ALDH3A2: variants seen among roughly 807,000 people sequenced by gnomAD.
ALDH3A2 encodes aldehyde dehydrogenase family 3 member A2.
A neutral mutation model predicts 51.3 loss-of-function variants in ALDH3A2; 36 were observed. The observed-to-expected ratio is 0.70, with a 90% CI of 0.54 to 0.93. The LOEUF (loss-of-function observed/expected upper bound fraction) is 0.93. ALDH3A2 is among the 40% of genes least tolerant of loss of function. The probability of loss-of-function intolerance (pLI) is 0.00; values close to 1 mark genes in which losing one functional copy is unlikely to be tolerated. For missense variants in ALDH3A2, 552 were observed against 603.1 expected, an observed-to-expected ratio of 0.92 and a Z score of 0.89; for synonymous variants, 199 against 219.8, an observed-to-expected ratio of 0.91 and a Z score of 0.84.
rs188024441 is a variant in ALDH3A2 at position 19,652,483 on chromosome 17, A to G, written c.386-64A>G. 9.1e-4 allele frequency: 1,149 copies of G among 1,265,412 alleles called. 22 individuals are homozygous for G. The South Asian group carries it at 9.8e-3, about 11-fold the overall frequency. The allele number at this position is 1,265,412 out of a possible 1,614,324, so 78.4% of individuals were successfully genotyped here. A position where few individuals can be genotyped will look rare whatever the true frequency, so the allele number is the denominator to read the frequency against. ...ACCTAGCCTGTTCTTCCCACTGAAC[A>G]TCATTTTGGTAGCTATTAAAGTTAA... is the stretch of plus-strand genomic sequence containing the variant. On this transcript the variant is annotated intron_variant, in intron 2 of 9. Transcript: ENST00000176643.
rs778727172 is a variant in ALDH3A2, at chr17:19,651,679, T to C, written c.286T>C (p.Tyr96His). ...KNVLTMLDEA[Y>H]IQPQPLGVVL... ...CGTGCTCACCATGCTGGATGAGGCC[T>C]ATATTCAGCCACAGCCTCTGGGAGT... Residue 96 changes from tyrosine (Y) to histidine (H), a missense_variant, in exon 2 of 10, where the codon TAT becomes CAT. Tyr to His is a moderately conservative substitution (Grantham distance 83). Transcript: ENST00000176643. The C allele has an allele frequency of 1.2e-6, 2 of 1,614,218 alleles. No individual in the cohort carries two copies. The highest frequency in any genetic ancestry group is 1.7e-6 in the Non-Finnish European group (2 of 1,180,032).
chr17:19,655,941 C>T (rs930959552), intron 3 of ALDH3A2, among the ~76,000 whole-genome samples: 3 of 152,236 alleles, frequency 2.0e-5, no homozygotes, highest in Non-Finnish European at 4.4e-5. Context: ...ACCATTCATT[C>T]AGAATAGCGT....
chr17:19,661,291 T>A (rs2084963181), intron 6 of ALDH3A2, 23 bp downstream of exon 6: 2 of 1,614,122 alleles, frequency 1.2e-6, no homozygotes, highest in Non-Finnish European at 1.7e-6. Flanking sequence ...CTCCTTTTCC[T>A]ATGGGAAGAT....
In ALDH3A2 at chr17:19,651,531, G is replaced by GA. The variant is rs745669402; in HGVS notation, c.154-15dup. On this transcript the variant is annotated splice_polypyrimidine_tract_variant and intron_variant, in intron 1 of 9. Coordinates refer to ENST00000176643, the MANE Select transcript of ALDH3A2 (RefSeq NM_000382.3). ...ATACTTACTCTGCAAGATTAACTGT[G>GA]ATTCTCTTATAACAGAGTGAATTCA... 1.9e-6 allele frequency: 3 copies of GA among 1,593,670 alleles called. No homozygotes were observed. The highest frequency in any genetic ancestry group is 2.6e-6 in the Non-Finnish European group (3 of 1,161,620).
intron 8 of ALDH3A2, among the ~76,000 whole-genome samples, chr17:19,666,128 G>A (rs184045095): frequency 7.2e-4 from 109 of 152,186 alleles, no homozygotes; most frequent in African/African-American, 2.5e-3. Context: ...GAGGGTGGTA[G>A]CAGGGGAGAT....
At chr17:19,668,611 CCTATTTCATTATTATAT>C (rs2085070945) in intron 8 of ALDH3A2, among the ~76,000 whole-genome samples, 2 of 77,390 alleles carry the variant, frequency 2.6e-5, no homozygotes, top group Non-Finnish European at 5.8e-5. Context: ...AAAAGCTTTC[CCTATTTCATTATTATAT>C]AAATATCATC....
At chr17:19,668,165 AT>A (rs1425602109) in intron 8 of ALDH3A2, among the ~76,000 whole-genome samples, 1 of 152,006 alleles carries the variant, frequency 6.6e-6, no homozygotes, top group Non-Finnish European at 1.5e-5. Flanking sequence ...AGCCTTTTTT[AT>A]AAGTAAGAAA....
Position 19,654,612 on chromosome 17 carries a change from G to A in ALDH3A2, c.472-1754G>A, listed in dbSNP as rs967671910. ...GCGGCGCCGGCCAGCTGCTCCGAGTGTGGGGCCCATTGAGCCTGCGCCCAC... is the reference window on the plus strand; with the variant it reads ...GCGGCGCCGGCCAGCTGCTCCGAGTATGGGGCCCATTGAGCCTGCGCCCAC... On this transcript the variant is annotated intron_variant, in intron 3 of 9. Transcript: ENST00000176643. This position sits in a 1 kb window ranked among gnomAD's most constrained non-coding sequence, Gnocchi z 4.5. Among the ~76,000 whole-genome samples the A allele has an allele frequency of 2.0e-4, 31 of 152,152 alleles. No homozygotes were observed. Among genetic ancestry groups the A allele is most frequent in the African/African-American group, 6.5e-4 (27 of 41,444 alleles).
intron 9 of ALDH3A2, chr17:19,672,217 C>T: frequency 1.9e-6 from 1 of 538,086 alleles, no homozygotes; most frequent in Admixed American, 3.1e-5. Context: ...GCCCTCAGAG[C>T]CTAAATTATT....
Position 19,675,633 on chromosome 17 carries a change from A to G in ALDH3A2, c.*61A>G. 6.6e-7 allele frequency: 1 copy of G among 1,522,930 alleles called. No homozygotes were observed. The highest frequency in any genetic ancestry group is 1.7e-5 in the Admixed American group (1 of 59,844). 94.3% of individuals were successfully genotyped at this position (1,522,930 alleles called of 1,614,324 possible). On this transcript the variant is annotated 3_prime_UTR_variant, in exon 10 of 10. Transcript: ENST00000176643. ...GAATTATTCCTCTTTTAAATGGTTA[A>G]TGAACCAATAATTTTTAAATCATAC...
intron 8 of ALDH3A2, among the ~76,000 whole-genome samples, chr17:19,670,648 C>T (rs1024871799): frequency 5.3e-5 from 8 of 151,968 alleles, no homozygotes; most frequent in East Asian, 1.9e-4. Flanking sequence ...CTGCAACCTC[C>T]GCCTCCCAGG....
Position 19,651,734 on chromosome 17 carries a change from C to G in ALDH3A2, c.341C>G (p.Pro114Arg), listed in dbSNP as rs72547559. The change falls in exon 2 of 10, where the codon CCC becomes CGC. Residue 114 changes from proline (P) to arginine (R), a missense_variant. Coordinates refer to ENST00000176643, the MANE Select transcript of ALDH3A2 (RefSeq NM_000382.3). ...VVLIIGAWNY[P>R]FVLTIQPLIG... ...CTGATAATCGGAGCTTGGAATTACC[C>G]CTTCGTTCTCACCATTCAGCCACTG... 1 of 1,614,174 alleles carries G rather than the reference C, an allele frequency of 6.2e-7. No individual in the cohort carries two copies. The highest frequency in any genetic ancestry group is 8.5e-7 in the Non-Finnish European group (1 of 1,180,028).
intron 5 of ALDH3A2, among the ~76,000 whole-genome samples, chr17:19,659,318 G>A (rs1309813457): frequency 6.6e-5 from 10 of 151,932 alleles, no homozygotes; most frequent in Admixed American, 4.6e-4. Flanking sequence ...TGGGAAGATC[G>A]CTTGAGCCCA....
upstream of ALDH3A2, chr17:19,648,674 C>T: frequency 2.1e-6 from 1 of 477,158 alleles, no homozygotes; most frequent in South Asian, 2.3e-5. Context: ...GGGCGGGGGC[C>T]GCGTGGGCGA....
Position 19,669,703 on chromosome 17 carries a change from C to T in ALDH3A2, c.1208-2018C>T, listed in dbSNP as rs143027782. 4.5e-4 allele frequency among the ~76,000 whole-genome samples: 69 copies of T among 152,236 alleles called. 2 individuals are homozygous for T. In the South Asian group the frequency reaches 9.1e-3, roughly 20 times the overall value. ...AAGCCAGAGTACAGTGGTGCAATCA[C>T]GGCTCATTGCAGCCTCAACCTCTTA... is the stretch of plus-strand genomic sequence containing the variant. On this transcript the variant is annotated intron_variant, in intron 8 of 9. Transcript: ENST00000176643.
At chr17:19,672,098 T>A in intron 9 of ALDH3A2, 142 bp downstream of exon 9, 1 of 794,088 alleles carries the variant, frequency 1.3e-6, no homozygotes, top group Non-Finnish European at 2.1e-6. Flanking sequence ...CAGCTACCCG[T>A]TTTTGTCACT....
At chr17:19,656,257 C>T (rs1156604805) in intron 3 of ALDH3A2, 109 bp from the exon 4 acceptor site, 21 of 1,023,596 alleles carry the variant, frequency 2.1e-5, no homozygotes, top group Non-Finnish European at 3.0e-5. Flanking sequence ...CTGGTCTTGA[C>T]ACTCTCTGGG....
At chr17:19,652,863 CCAAA>C (rs1359363191) in intron 3 of ALDH3A2, among the ~76,000 whole-genome samples, 1 of 62,798 alleles carries the variant, frequency 1.6e-5, no homozygotes, top group Non-Finnish European at 3.0e-5. Context: ...TGGCTTCATG[CCAAA>C]CAGATTCTGT....
Position 19,675,548 on chromosome 17 carries a change from CT to C in ALDH3A2, c.1444-9del. On this transcript the variant is annotated splice_polypyrimidine_tract_variant and intron_variant, in intron 9 of 9. Coordinates refer to ENST00000176643, the MANE Select transcript of ALDH3A2 (RefSeq NM_000382.3). Reference sequence around the variant, plus strand: ...GCTGAGTAAACTGAATCCTTTTTTCCTCTCTCCAGGCAGAATATTACTGAAG... The same window carrying C: ...GCTGAGTAAACTGAATCCTTTTTTCCCTCTCCAGGCAGAATATTACTGAAG... 2 of 1,613,590 alleles carry C rather than the reference CT, an allele frequency of 1.2e-6. No individual in the cohort carries two copies. Among genetic ancestry groups the C allele is most frequent in the South Asian group, 2.2e-5 (2 of 91,050 alleles).
Sources: allele counts gnomAD v4.1 joint callset (sites outside exome capture counted in the v4.1 genomes callset), GRCh38; gene constraint gnomAD v4.1.1; non-coding constraint Gnocchi (gnomAD v3.1); transcripts MANE v1.5; gene names NCBI Gene and HGNC (gene_info 2026-07-23, HGNC 2026-07-21).